Variants in EML6 observed in about 807,000 individuals in gnomAD.
EML6 encodes the protein echinoderm microtubule-associated protein-like 6.
In EML6, 154 loss-of-function variants were observed where a neutral mutation model predicts 240.1. The ratio of observed to expected loss-of-function variants is 0.64; its 90% CI spans 0.56 to 0.73. EML6 has a LOEUF of 0.73. Ranked by LOEUF, EML6 falls within the 30% of genes least tolerant of loss-of-function variation. The probability of loss-of-function intolerance (pLI) is 0.00; values close to 1 mark genes in which losing one functional copy is unlikely to be tolerated. For missense variants in EML6, 2,964 were observed against 2,474.6 expected, an observed-to-expected ratio of 1.20 and a Z score of -4.20; for synonymous variants, 1,148 against 899.0, an observed-to-expected ratio of 1.28 and a Z score of -4.95.
chr2:54,847,773 T>G, intron 9 of EML6, 150 bp downstream of exon 9: 2 of 898,178 alleles, frequency 2.2e-6, no homozygotes, highest in East Asian at 2.7e-5. Context: ...CTATCTGTAA[T>G]TCTGAAGTCC....
intron 7 of EML6, among the ~76,000 whole-genome samples, chr2:54,832,062 G>A (rs912600173): frequency 2.6e-5 from 4 of 152,096 alleles, no homozygotes; most frequent in African/African-American, 9.7e-5. Flanking sequence ...CCTGGCTTGG[G>A]CAACATTGTC....
At chr2:54,964,769 A>G (rs867609333) in intron 38 of EML6, 36 bp downstream of exon 38, 9 of 1,544,904 alleles carry the variant, frequency 5.8e-6, no homozygotes, top group African/African-American at 1.4e-5. Context: ...GGGGCAACCA[A>G]TAATAACAGC....
chr2:54,927,123 C>T (rs1176293724), intron 26 of EML6, among the ~76,000 whole-genome samples: 5 of 152,138 alleles, frequency 3.3e-5, no homozygotes, highest in Non-Finnish European at 7.4e-5. Context: ...TGCCTATTTG[C>T]TAGCAAACTA....
intron 2 of EML6, among the ~76,000 whole-genome samples, chr2:54,764,587 A>G (rs112251091): frequency 0.024 from 3,696 of 152,326 alleles, 150 homozygotes; most frequent in African/African-American, 0.084. Flanking sequence ...GGCTAATGTG[A>G]AATCCCCCTG....
At chr2:54,765,837 A>G (rs979200953) in intron 2 of EML6, among the ~76,000 whole-genome samples, 1 of 152,210 alleles carries the variant, frequency 6.6e-6, no homozygotes, top group African/African-American at 2.4e-5. Flanking sequence ...ACCATTTCTT[A>G]TCTACATACA....
At chr2:54,962,439 A>G (rs1360083652) in intron 35 of EML6, 84 bp from the exon 36 acceptor site, 6 of 1,067,084 alleles carry the variant, frequency 5.6e-6, no homozygotes, top group African/African-American at 4.9e-5. Flanking sequence ...TTCTGTCTCC[A>G]TGAATTTGTC....
intron 2 of EML6, among the ~76,000 whole-genome samples, chr2:54,757,408 G>A (rs1667783674): frequency 6.6e-6 from 1 of 152,184 alleles, no homozygotes; most frequent in Non-Finnish European, 1.5e-5. Flanking sequence ...TGTCAGGATG[G>A]AGGGGCATTT....
At chr2:54,855,140 C>T (rs1670303960) in intron 11 of EML6, among the ~76,000 whole-genome samples, 1 of 152,090 alleles carries the variant, frequency 6.6e-6, no homozygotes. Context: ...TAAAGAAGTA[C>T]CTGAGACTTG....
In EML6 at chr2:54,964,182, A is replaced by G. The variant is rs766963605; in HGVS notation, c.5330+24A>G. 1.4e-5 allele frequency: 22 copies of G among 1,547,738 alleles called. 1 individual carries two copies. In the South Asian group the frequency reaches 2.6e-4, roughly 19 times the overall value. ...AGGTACCTAAGTGGGTGGTCTGGGC[A>G]TGGAGGAGAAAGGCAAGCATTCTGC... On this transcript the variant is annotated intron_variant, in intron 37 of 41. Coordinates refer to ENST00000356458, the MANE Select transcript of EML6 (RefSeq NM_001039753.4).
At chr2:54,761,344 A>G (rs1667973503) in intron 2 of EML6, among the ~76,000 whole-genome samples, 1 of 152,134 alleles carries the variant, frequency 6.6e-6, no homozygotes, top group Non-Finnish European at 1.5e-5. Flanking sequence ...GCATAAATGA[A>G]GGTGCTTATT....
intron 2 of EML6, among the ~76,000 whole-genome samples, chr2:54,752,357 A>C (rs1401050935): frequency 6.6e-6 from 1 of 152,206 alleles, no homozygotes; most frequent in Non-Finnish European, 1.5e-5. Flanking sequence ...TGTGTTTATG[A>C]TGAAATTTAG....
Position 54,909,384 on chromosome 2 carries a change from T to G in EML6, c.3410-1570T>G, listed in dbSNP as rs185450831. Among the ~76,000 whole-genome samples, 260 of 152,340 alleles carry G rather than the reference T, an allele frequency of 1.7e-3. 2 individuals are homozygous for G. Among genetic ancestry groups the G allele is most frequent in the African/African-American group, 6.2e-3 (259 of 41,576 alleles). On this transcript the variant is annotated intron_variant, in intron 24 of 41. Coordinates refer to ENST00000356458, the MANE Select transcript of EML6 (RefSeq NM_001039753.4). ...TATTCAGCCATAAAGTCAGAAGATG[T>G]GCCCATTTCAGGGTACACATTTTCA...
chr2:54,872,216 G>A (rs567742965), intron 16 of EML6, among the ~76,000 whole-genome samples: 2 of 152,180 alleles, frequency 1.3e-5, no homozygotes, highest in South Asian at 2.1e-4. Context: ...TGTTCTTTAA[G>A]TTGGCATTTG....
At chr2:54,923,865 G>C (rs138200023) in intron 26 of EML6, among the ~76,000 whole-genome samples, 171 of 152,036 alleles carry the variant, frequency 1.1e-3, no homozygotes, top group African/African-American at 4.0e-3. Context: ...ACCTGTTTAA[G>C]AATTTCATAT....
intron 6 of EML6, among the ~76,000 whole-genome samples, chr2:54,829,088 T>A (rs966183494): frequency 3.9e-5 from 6 of 152,246 alleles, no homozygotes; most frequent in African/African-American, 1.4e-4. Context: ...TGAATTTTTT[T>A]AAACTGTAAT....
chr2:54,878,355 C>T (rs888455351), intron 16 of EML6, among the ~76,000 whole-genome samples: 3 of 152,216 alleles, frequency 2.0e-5, no homozygotes, highest in Admixed American at 2.0e-4. Context: ...CAGAGAAGAG[C>T]CCTGATATAC....
chr2:54,819,169 T>A (rs1668211540), intron 4 of EML6, among the ~76,000 whole-genome samples: 1 of 152,172 alleles, frequency 6.6e-6, no homozygotes, highest in African/African-American at 2.4e-5. Flanking sequence ...TTATATGTGA[T>A]GAAAAGTTAG....
intron 28 of EML6, among the ~76,000 whole-genome samples, chr2:54,932,446 C>T (rs1481748948): frequency 3.3e-5 from 5 of 152,192 alleles, no homozygotes; most frequent in Admixed American, 6.5e-5. Context: ...GCCGACTTGA[C>T]GCTAATTCTG....
intron 10 of EML6, among the ~76,000 whole-genome samples, chr2:54,851,452 A>G (rs1416631961): frequency 6.6e-6 from 1 of 152,192 alleles, no homozygotes; most frequent in East Asian, 1.9e-4. Flanking sequence ...AAAAAAGCCC[A>G]ATGGATTTTA....
Sources: gnomAD v4.1 joint callset for allele counts (sites outside exome capture counted in the v4.1 genomes callset) on GRCh38, gnomAD v4.1.1 for gene constraint, MANE v1.5 for transcripts, NCBI Gene and HGNC (gene_info 2026-07-23, HGNC 2026-07-21) for gene names.